The following EPHA3 variants were observed in gnomAD, a reference collection of about 807,000 sequenced individuals.
The protein encoded by EPHA3 is EPH receptor A3.
Under a neutral mutation model 107.1 loss-of-function variants are expected in EPHA3, and 42 were observed. The ratio of observed to expected loss-of-function variants is 0.39; its 90% CI spans 0.31 to 0.51. The LOEUF (loss-of-function observed/expected upper bound fraction) is 0.51, where lower values mean the gene tolerates loss of function less well. Ranked by LOEUF, EPHA3 falls within the 20% of genes least tolerant of loss-of-function variation. The pLI is 0.78. For synonymous variants in EPHA3, 461 were observed against 424.8 expected (o/e 1.09, Z -1.05); for missense variants, 1,183 against 1,211.2 (o/e 0.98, Z 0.35).
chr3:89,379,289 A>T (rs1384188533), intron 5 of EPHA3, among the ~76,000 whole-genome samples: 1 of 152,208 alleles, frequency 6.6e-6, no homozygotes, highest in South Asian at 2.1e-4. Flanking sequence ...AGACAATGCA[A>T]ATTTTACAGC....
chr3:89,119,291 G>A (rs1707324741), intron 1 of EPHA3, among the ~76,000 whole-genome samples: 1 of 151,988 alleles, frequency 6.6e-6, no homozygotes. Flanking sequence ...AACTTCTGTA[G>A]GTGCTATTCC....
chr3:89,474,422 G>C (rs1576397394), intron 16 of EPHA3, among the ~76,000 whole-genome samples: 1 of 152,104 alleles, frequency 6.6e-6, no homozygotes, highest in East Asian at 1.9e-4. Flanking sequence ...ATAGTCATGT[G>C]TTTAAATATT....
intron 4 of EPHA3, among the ~76,000 whole-genome samples, chr3:89,341,413 TGGTCATA>T (rs1707518197): frequency 6.6e-6 from 1 of 152,194 alleles, no homozygotes; most frequent in Non-Finnish European, 1.5e-5. Context: ...TGCTGTATGT[TGGTCATA>T]GGTCATAGGG....
intron 3 of EPHA3, among the ~76,000 whole-genome samples, chr3:89,274,903 T>C (rs1170979224): frequency 1.3e-5 from 2 of 152,020 alleles, no homozygotes; most frequent in Non-Finnish European, 2.9e-5. Flanking sequence ...TGTCCATATG[T>C]ATCAACAAAT....
intron 15 of EPHA3, among the ~76,000 whole-genome samples, chr3:89,454,943 A>G (rs1435583379): frequency 6.6e-6 from 1 of 152,154 alleles, no homozygotes; most frequent in Admixed American, 6.6e-5. Context: ...ACAGTGAGCA[A>G]TGGTAACAAC....
In EPHA3 at chr3:89,398,631, T is replaced by C. The variant is rs190732737; in HGVS notation, c.1432-687T>C. Reference sequence around the variant, plus strand: ...GAATCAATAGAGCATTCCTATTAGGTTTAATTCAAAGGGATATTTTCTTCT... The same window carrying C: ...GAATCAATAGAGCATTCCTATTAGGCTTAATTCAAAGGGATATTTTCTTCT... On this transcript the variant is annotated intron_variant, in intron 6 of 16. Transcript: ENST00000336596. Among the ~76,000 whole-genome samples the C allele has an allele frequency of 1.1e-4, 16 of 152,256 alleles. No individual in the cohort carries two copies. In the East Asian group the frequency reaches 3.1e-3, roughly 29 times the overall value.
At chr3:89,417,057 T>G (rs1285943493) in intron 10 of EPHA3, among the ~76,000 whole-genome samples, 3 of 151,458 alleles carry the variant, frequency 2.0e-5, no homozygotes, top group African/African-American at 7.3e-5. Flanking sequence ...ATCCTTTAGG[T>G]GGGTCTGAAC....
At chr3:89,435,689 A>G (rs955347860) in intron 13 of EPHA3, among the ~76,000 whole-genome samples, 8 of 149,070 alleles carry the variant, frequency 5.4e-5, no homozygotes, top group African/African-American at 2.0e-4. Flanking sequence ...GCGGTGGCTC[A>G]TGCCTGTAAT....
In EPHA3 at chr3:89,341,844, C is replaced by A. The variant is rs779599137; in HGVS notation, c.1060C>A (p.Arg354=). Residue 354 remains arginine, a synonymous_variant, in exon 5 of 17, where the codon CGG becomes AGG. Transcript: ENST00000336596. The part of the protein sequence containing the change: ...DWSWPLDTGG[R]KDVTFNIICK... ...GAGTTGGCCCCTGGACACAGGAGGC[C>A]GGAAAGATGTTACCTTCAACATCAT... The A allele has an allele frequency of 6.2e-7, 1 of 1,613,608 alleles. No homozygotes were observed. Among genetic ancestry groups the A allele is most frequent in the Non-Finnish European group, 8.5e-7 (1 of 1,179,950 alleles).
chr3:89,339,380 A>G (rs1455224513), intron 3 of EPHA3, among the ~76,000 whole-genome samples: 1 of 151,402 alleles, frequency 6.6e-6, no homozygotes, highest in African/African-American at 2.4e-5. Context: ...CAAAAAAAAA[A>G]AAAAAAAAAA....
intron 2 of EPHA3, among the ~76,000 whole-genome samples, chr3:89,192,509 A>C (rs1321099605): frequency 6.6e-6 from 1 of 152,078 alleles, no homozygotes; most frequent in Non-Finnish European, 1.5e-5. Context: ...ATATTCATAT[A>C]TGTATACACA....
At chr3:89,294,717 GACATATAGAGC>G (rs1402055653) in intron 3 of EPHA3, among the ~76,000 whole-genome samples, 3 of 151,898 alleles carry the variant, frequency 2.0e-5, no homozygotes, top group African/African-American at 7.3e-5. Flanking sequence ...TCAGTATTTG[GACATATAGAGC>G]ACAGTTATAT....
At position 89,479,632 on chromosome 3, in the gene EPHA3, A is replaced by G. The variant is rs770751410; in HGVS notation, c.*130A>G. 42 of 607,784 alleles carry G rather than the reference A, an allele frequency of 6.9e-5. No individual in the cohort carries two copies. Among genetic ancestry groups the G allele is most frequent in the Non-Finnish European group, 2.6e-5 (9 of 346,860 alleles). 37.6% of individuals were successfully genotyped at this position (607,784 alleles called of 1,614,324 possible). On this transcript the variant is annotated 3_prime_UTR_variant, in exon 17 of 17. Coordinates refer to ENST00000336596, the MANE Select transcript of EPHA3 (RefSeq NM_005233.6). ...TCCAATAAGACACTCAAATATGAGT[A>G]CAAATGCCTTAAAATGGAATTGAAA...
chr3:89,268,822 T>A (rs1056349455), intron 3 of EPHA3, among the ~76,000 whole-genome samples: 40 of 151,938 alleles, frequency 2.6e-4, no homozygotes, highest in African/African-American at 9.7e-4. Context: ...TTTCACAAAG[T>A]GCTATAAAAT....
At chr3:89,149,078 C>T (rs890048128) in intron 2 of EPHA3, among the ~76,000 whole-genome samples, 11 of 151,876 alleles carry the variant, frequency 7.2e-5, no homozygotes, top group Non-Finnish European at 1.0e-4. Flanking sequence ...AAAATGGGAG[C>T]ATGGTTTTTC....
At chr3:89,427,308 C>A (rs1709476727) in intron 11 of EPHA3, among the ~76,000 whole-genome samples, 1 of 151,700 alleles carries the variant, frequency 6.6e-6, no homozygotes, top group South Asian at 2.1e-4. Context: ...ATGATGCTAA[C>A]TCATAATTTA....
Position 89,151,167 on chromosome 3 carries a change from C to A in EPHA3, c.153+23894C>A, listed in dbSNP as rs565156952. 1.9e-3 allele frequency among the ~76,000 whole-genome samples: 285 copies of A among 152,014 alleles called. 1 individual carries two copies. The highest frequency in any genetic ancestry group is 6.7e-3 in the African/African-American group (277 of 41,476). On this transcript the variant is annotated intron_variant, in intron 2 of 16. Transcript: ENST00000336596. ...GCAGAGGTATATCTAATTATCATAC[C>A]TAAAATATGTGCCGTCGAAAGCCAT...
chr3:89,337,208 T>C (rs1223999668), intron 3 of EPHA3, among the ~76,000 whole-genome samples: 3 of 152,230 alleles, frequency 2.0e-5, no homozygotes, highest in Admixed American at 1.3e-4. Context: ...TTTAAATGAC[T>C]ATGTTTCAAT....
intron 3 of EPHA3, among the ~76,000 whole-genome samples, chr3:89,265,795 G>A (rs899293373): frequency 5.3e-5 from 8 of 152,054 alleles, no homozygotes; most frequent in African/African-American, 1.7e-4. Context: ...CAAGTCCTGA[G>A]AATGAGCACT....
Sources: allele counts gnomAD v4.1 joint callset (sites outside exome capture counted in the v4.1 genomes callset), GRCh38; gene constraint gnomAD v4.1.1; transcripts MANE v1.5; gene names NCBI Gene and HGNC (gene_info 2026-07-23, HGNC 2026-07-21).